Variants in OASL observed in about 807,000 individuals in gnomAD.
The protein encoded by OASL is 2'-5'-oligoadenylate synthetase like, also known as 2'-5'-oligoadenylate synthase-like protein.
OASL carries 28 observed loss-of-function variants against 35.3 expected under a neutral mutation model. The observed-to-expected ratio is 0.79, with a 90% CI of 0.59 to 1.09. The LOEUF (loss-of-function observed/expected upper bound fraction) is 1.09, where lower values mean the gene tolerates loss of function less well. Among genes scored for constraint, OASL ranks in the 50% least tolerant of loss-of-function variants. The pLI, the probability that OASL is intolerant of heterozygous loss-of-function variation, is 0.00. For synonymous variants in OASL, 252 were observed against 254.6 expected, an observed-to-expected ratio of 0.99 and a Z score of 0.10; for missense variants, 620 against 635.2, an observed-to-expected ratio of 0.98 and a Z score of 0.26.
chr12:121,029,667 G>T (rs932213937), intron 3 of OASL, among the ~76,000 whole-genome samples: 1 of 151,290 alleles, frequency 6.6e-6, no homozygotes, highest in African/African-American at 2.4e-5. Context: ...CAGCCTGGGC[G>T]ACAGAGCAAG....
chr12:121,033,480 C>A, exon 2 of OASL: 1 of 1,612,984 alleles, frequency 6.2e-7, no homozygotes, highest in Non-Finnish European at 8.5e-7. Flanking sequence ...TGTAGGCAGG[C>A]ACAATGGTGA....
chr12:121,020,416 T>C, exon 6 of OASL: 1 of 870,558 alleles, frequency 1.1e-6, no homozygotes, highest in Non-Finnish European at 1.7e-6. Context: ...ATTACAGGTG[T>C]GAGCTACCAC....
intron 1 of OASL, 81 bp downstream of exon 1, chr12:121,038,692 CA>C: frequency 7.2e-7 from 1 of 1,386,314 alleles, no homozygotes; most frequent in East Asian, 2.3e-5. Flanking sequence ...ATAAGGAGGA[CA>C]GGGGTCCCCA....
Position 121,035,439 on chromosome 12 carries a change from C to T in OASL, c.199-1696G>A, listed in dbSNP as rs150350377. Among the ~76,000 whole-genome samples, 1,216 of 152,010 alleles carry T rather than the reference C, an allele frequency of 8.0e-3. 20 individuals carry two copies. The highest frequency in any genetic ancestry group is 0.028 in the African/African-American group (1,164 of 41,436). Reference sequence around the variant, plus strand: ...ACTGGGGAAGCTAAGGCAGGAGAATCGCTTGAACCCAGGAGGCAGAGGTTG... The same window carrying T: ...ACTGGGGAAGCTAAGGCAGGAGAATTGCTTGAACCCAGGAGGCAGAGGTTG... On this transcript the variant is annotated intron_variant, in intron 1 of 5. Coordinates refer to ENST00000257570, the Ensembl canonical transcript of OASL.
At chr12:121,037,557 G>A (rs1870002411) in intron 1 of OASL, among the ~76,000 whole-genome samples, 1 of 147,916 alleles carries the variant, frequency 6.8e-6, no homozygotes, top group Admixed American at 6.7e-5. Context: ...GGCAGATCAT[G>A]AGGTCAGGAG....
exon 1 of OASL, chr12:121,039,209 C>G (rs1188549120): frequency 1.8e-6 from 1 of 544,356 alleles, no homozygotes. Flanking sequence ...GCTGGAATAT[C>G]TGGGGCCACC....
rs73417800 is a variant in OASL, at chr12:121,028,097, A to G, written c.658-280T>C. 3.1e-3 allele frequency among the ~76,000 whole-genome samples: 475 copies of G among 152,350 alleles called. 3 individuals are homozygous for G. The highest frequency in any genetic ancestry group is 0.011 in the African/African-American group (461 of 41,560). On this transcript the variant is annotated intron_variant, in intron 3 of 5. Transcript: ENST00000257570. Reference sequence around the variant, plus strand: ...GAGCAGATTGCGCTCGGTCACAAACATTCTAGCCTAAGCAGTCCCATTTAA... The same window carrying G: ...GAGCAGATTGCGCTCGGTCACAAACGTTCTAGCCTAAGCAGTCCCATTTAA...
At chr12:121,020,441 A>G in exon 6 of OASL, 1 of 1,078,554 alleles carries the variant, frequency 9.3e-7, no homozygotes, top group Non-Finnish European at 1.3e-6. Context: ...GGCCTGGGAT[A>G]ACTCATTGTA....
chr12:121,022,556 G>A (rs148819777), intron 5 of OASL, among the ~76,000 whole-genome samples: 18 of 152,308 alleles, frequency 1.2e-4, no homozygotes, highest in South Asian at 2.1e-4. Context: ...ATCCAGAGGC[G>A]TATATTTTCC....
intron 4 of OASL, among the ~76,000 whole-genome samples, chr12:121,024,396 C>G (rs1406209795): frequency 3.9e-5 from 6 of 152,124 alleles, no homozygotes; most frequent in Non-Finnish European, 8.8e-5. Flanking sequence ...GCGGGAGGAT[C>G]ACTTGAGGTC....
chr12:121,035,884 G>T (rs914852880), intron 1 of OASL, among the ~76,000 whole-genome samples: 14 of 152,130 alleles, frequency 9.2e-5, no homozygotes, highest in Non-Finnish European at 1.9e-4. Context: ...TTGAGACAGG[G>T]TCTTGCTCTG....
At chr12:121,029,742 A>G (rs1368273086) in intron 3 of OASL, among the ~76,000 whole-genome samples, 1 of 152,128 alleles carries the variant, frequency 6.6e-6, no homozygotes, top group African/African-American at 2.4e-5. Context: ...TTGCAAATTC[A>G]TCCTTAACAC....
At chr12:121,023,413 G>A (rs556180405) in intron 5 of OASL, among the ~76,000 whole-genome samples, 49 of 150,864 alleles carry the variant, frequency 3.2e-4, no homozygotes, top group South Asian at 4.2e-4. Flanking sequence ...CTCTGCCTCC[G>A]GAGTAGCAGG....
exon 2 of OASL, chr12:121,033,572 C>G (rs765299664): frequency 1.9e-5 from 31 of 1,614,006 alleles, no homozygotes; most frequent in Non-Finnish European, 2.5e-5. Flanking sequence ...CTCAGGTCCT[C>G]GAGCCCGAGG....
intron 2 of OASL, among the ~76,000 whole-genome samples, chr12:121,032,785 C>T (rs1869787815): frequency 6.6e-6 from 1 of 152,152 alleles, no homozygotes; most frequent in African/African-American, 2.4e-5. Flanking sequence ...GCTCCTTCCC[C>T]TCACTGGGTG....
rs1465503171 is a variant in OASL at position 121,034,509 on chromosome 12, G to A, written c.199-766C>T. Among the ~76,000 whole-genome samples the A allele has an allele frequency of 2.0e-5, 3 of 152,180 alleles. No individual in the cohort carries two copies. The East Asian group carries it at 5.8e-4, about 29-fold the overall frequency. ...CCACAGAGTAAGGCCTACTCCAGAG[G>A]AATGGTAGCATCTACTCCATAGGGT... On this transcript the variant is annotated intron_variant, in intron 1 of 5. Coordinates refer to ENST00000257570, the Ensembl canonical transcript of OASL.
At chr12:121,025,009 C>T (rs910933216) in intron 4 of OASL, among the ~76,000 whole-genome samples, 8 of 123,514 alleles carry the variant, frequency 6.5e-5, no homozygotes, top group Non-Finnish European at 9.6e-5. Context: ...GACAGAGTCT[C>T]GCTCTGTCGC....
At chr12:121,029,547 G>T (rs944332588) in intron 3 of OASL, among the ~76,000 whole-genome samples, 1 of 152,114 alleles carries the variant, frequency 6.6e-6, no homozygotes, top group Non-Finnish European at 1.5e-5. Context: ...AATTAGCTGT[G>T]CATGGTGGCG....
intron 1 of OASL, among the ~76,000 whole-genome samples, chr12:121,035,120 G>C (rs927914457): frequency 6.6e-6 from 1 of 152,154 alleles, no homozygotes; most frequent in South Asian, 2.1e-4. Flanking sequence ...GATTCCAGCT[G>C]TTGCCGGATG....
Sources: gnomAD v4.1 joint callset for allele counts (sites outside exome capture counted in the v4.1 genomes callset) on GRCh38, gnomAD v4.1.1 for gene constraint, MANE v1.5 for transcripts, NCBI Gene and HGNC (gene_info 2026-07-23, HGNC 2026-07-21) for gene names.